The following RNF122 variants were observed in gnomAD, a reference collection of about 807,000 sequenced individuals.
RNF122 encodes the protein ring finger protein 122.
RNF122 carries 17 observed loss-of-function variants against 24.2 expected under a neutral mutation model. The ratio of observed to expected loss-of-function variants is 0.70; its 90% CI spans 0.48 to 1.06. The LOEUF is 1.06. Among genes scored for constraint, RNF122 ranks in the 50% least tolerant of loss-of-function variants. RNF122 has a pLI of 0.00. For synonymous variants in RNF122, 65 were observed against 71.8 expected (o/e 0.91, Z 0.48); for missense variants, 168 against 198.1 (o/e 0.85, Z 0.91).
chr8:33,556,482 G>T (rs911559614), intron 2 of RNF122, among the ~76,000 whole-genome samples: 1 of 152,172 alleles, frequency 6.6e-6, no homozygotes, highest in African/African-American at 2.4e-5. Context: ...GTGGGCAGGG[G>T]GAGCAGGGAG....
intron 3 of RNF122, 115 bp from the exon 4 acceptor site, chr8:33,551,200 G>A (rs1810369697): frequency 6.8e-7 from 1 of 1,466,188 alleles, no homozygotes; most frequent in Admixed American, 1.7e-5. Flanking sequence ...CCGGACTTCA[G>A]ACACTGAAGG....
rs114775341 is a variant in RNF122, at chr8:33,557,503, C to T, written c.182+1112G>A. On this transcript the variant is annotated intron_variant, in intron 2 of 5. Coordinates refer to ENST00000256257, the MANE Select transcript of RNF122 (RefSeq NM_024787.3). ...AAATAAAAATTAGCTAGGCATGCACCCATAATTCCAGCTATTAGGGAGGCT... is the reference window on the plus strand; with the variant it reads ...AAATAAAAATTAGCTAGGCATGCACTCATAATTCCAGCTATTAGGGAGGCT... Among the ~76,000 whole-genome samples, 811 of 152,010 alleles carry T rather than the reference C, an allele frequency of 5.3e-3. 9 individuals are homozygous for T. The highest frequency in any genetic ancestry group is 0.018 in the African/African-American group (734 of 41,458).
chr8:33,549,221 C>A (rs1171128397), intron 5 of RNF122, among the ~76,000 whole-genome samples, 189 bp downstream of exon 5: 9 of 141,778 alleles, frequency 6.3e-5, no homozygotes, highest in East Asian at 4.1e-4. Context: ...AACTCCAACT[C>A]AAAAAAAAAA....
At position 33,567,041 on chromosome 8, in the gene RNF122, GGCCGGGGGAGGAGGGAAAAACCTTT is replaced by G. The variant is rs1485089385; in HGVS notation, c.-343_-319del. On this transcript the variant is annotated 5_prime_UTR_variant, in exon 1 of 6. Coordinates refer to ENST00000256257, the MANE Select transcript of RNF122 (RefSeq NM_024787.3). Reference sequence around the variant, plus strand: ...GGGTGCCCGGGCTGCAGAAGCCCTCGGCCGGGGGAGGAGGGAAAAACCTTTGCCGGAGGCTCGGATCGGGTTCAGC... The same window carrying G: ...GGGTGCCCGGGCTGCAGAAGCCCTCGGCCGGAGGCTCGGATCGGGTTCAGC... The G allele has an allele frequency of 2.4e-6, 1 of 418,790 alleles. No individual in the cohort carries two copies. The highest frequency in any genetic ancestry group is 4.4e-6 in the Non-Finnish European group (1 of 228,736). 25.9% of individuals were successfully genotyped at this position (418,790 alleles called of 1,614,324 possible). A position where few individuals can be genotyped will look rare whatever the true frequency, so the allele number is the denominator to read the frequency against.
Position 33,547,980 on chromosome 8 carries a change from C to CAAAAAAAAAA in RNF122, c.*763_*772dup, listed in dbSNP as rs35370120. On this transcript the variant is annotated 3_prime_UTR_variant, in exon 6 of 6. Transcript: ENST00000256257. ...CCCCCATCCCCACACCCCTTTTGAT[C>CAAAAAAAAAA]AAAAAAAAAAAAAAAAAAAAAAAAA... 40 of 37,854 alleles carry CAAAAAAAAAA rather than the reference C, an allele frequency of 1.1e-3. No individual in the cohort carries two copies. Among genetic ancestry groups the CAAAAAAAAAA allele is most frequent in the African/African-American group, 3.7e-3 (34 of 9,240 alleles). The allele number at this position is 37,854 out of a possible 1,614,324, so 2.3% of individuals were successfully genotyped here.
At chr8:33,549,592 A>T in intron 4 of RNF122, 100 bp from the exon 5 acceptor site, 1 of 839,376 alleles carries the variant, frequency 1.2e-6, no homozygotes, top group Non-Finnish European at 2.0e-6. Flanking sequence ...CTGTTCTACC[A>T]GGCAGAGAAA....
chr8:33,551,896 C>T (rs76960067), intron 2 of RNF122, among the ~76,000 whole-genome samples: 44 of 152,302 alleles, frequency 2.9e-4, no homozygotes, highest in East Asian at 1.9e-3. Context: ...ACAACACAGA[C>T]GATGCCTCCT....
chr8:33,552,296 G>T (rs1450709701), intron 2 of RNF122, among the ~76,000 whole-genome samples: 2 of 152,180 alleles, frequency 1.3e-5, no homozygotes, highest in Admixed American at 6.6e-5. Context: ...CTACTTGGGA[G>T]ACTGAGGCAG....
At chr8:33,558,559 C>G (rs1810490135) in intron 2 of RNF122, 56 bp downstream of exon 2, 29 of 1,481,188 alleles carry the variant, frequency 2.0e-5, no homozygotes, top group Non-Finnish European at 2.5e-5. Context: ...ACCCCACAAC[C>G]CTGGTCTCCT....
At chr8:33,558,081 T>G (rs905071621) in intron 2 of RNF122, among the ~76,000 whole-genome samples, 1 of 151,934 alleles carries the variant, frequency 6.6e-6, no homozygotes, top group African/African-American at 2.4e-5. Flanking sequence ...AGGTGGAAGT[T>G]GCAGTAAGCT....
Position 33,553,994 on chromosome 8 carries a change from C to T in RNF122, c.183-2605G>A, listed in dbSNP as rs146348567. ...GGCTGGGCTAAAGGCCTAACCAAGGCTCCCACTGTCTCATCCTTCACTTTG... is the reference window on the plus strand; with the variant it reads ...GGCTGGGCTAAAGGCCTAACCAAGGTTCCCACTGTCTCATCCTTCACTTTG... On this transcript the variant is annotated intron_variant, in intron 2 of 5. Coordinates refer to ENST00000256257, the MANE Select transcript of RNF122 (RefSeq NM_024787.3). Among the ~76,000 whole-genome samples, 241 of 152,360 alleles carry T rather than the reference C, an allele frequency of 1.6e-3. 1 individual carries two copies. Among genetic ancestry groups the T allele is most frequent in the African/African-American group, 5.5e-3 (229 of 41,600 alleles).
rs182149294 is a variant in RNF122 at position 33,554,144 on chromosome 8, G to A, written c.183-2755C>T. 7.6e-3 allele frequency among the ~76,000 whole-genome samples: 1,157 copies of A among 152,314 alleles called. 5 individuals are homozygous for A. Among genetic ancestry groups the A allele is most frequent in the Admixed American group, 0.015 (227 of 15,292 alleles). ...GCTACTGTTGCTTGACTGACACTGG[G>A]TTCAGCAGAGGTGGGAAGGAAGTGT... On this transcript the variant is annotated intron_variant, in intron 2 of 5. Transcript: ENST00000256257.
At chr8:33,564,728 C>T (rs187678684) in intron 1 of RNF122, among the ~76,000 whole-genome samples, 17 of 152,012 alleles carry the variant, frequency 1.1e-4, no homozygotes, top group African/African-American at 2.9e-4. Context: ...CAAAATTAGC[C>T]GGCCATGGTG....
At position 33,551,027 on chromosome 8, in the gene RNF122, T is replaced by C. The variant is rs771108841; in HGVS notation, c.270+17A>G. The C allele has an allele frequency of 3.7e-6, 6 of 1,613,870 alleles. No individual in the cohort carries two copies. The South Asian group carries it at 6.6e-5, about 18-fold the overall frequency. ...CACCTGCTGGGGCCCTCCTGCACACTTTCCTGGCACACTTACCCCATATAA... is the reference window on the plus strand; with the variant it reads ...CACCTGCTGGGGCCCTCCTGCACACCTTCCTGGCACACTTACCCCATATAA... On this transcript the variant is annotated intron_variant, in intron 4 of 5. Transcript: ENST00000256257.
chr8:33,559,182 T>A (rs1309231727), intron 1 of RNF122, among the ~76,000 whole-genome samples: 1 of 152,030 alleles, frequency 6.6e-6, no homozygotes, highest in African/African-American at 2.4e-5. Context: ...TGTACTACCA[T>A]GTAGTCCCAG....
chr8:33,558,743 G>A lies in RNF122; in HGVS notation c.54C>T (p.Ser18=). 6.2e-7 allele frequency: 1 copy of A among 1,603,316 alleles called. No individual in the cohort carries two copies. The highest frequency in any genetic ancestry group is 1.7e-4 in the Middle Eastern group (1 of 5,998). Residue 18 remains serine (S), a synonymous_variant, in exon 2 of 6, where the codon AGC becomes AGT. Coordinates refer to ENST00000256257, the MANE Select transcript of RNF122 (RefSeq NM_024787.3). ...NGCFCGLGLV[S]TNKSCSMPPI... The stretch of plus-strand genomic sequence containing the variant: ...GTGGCATCGAGCAGGACTTGTTGGT[G>A]CTAACCAGTCCCAGGCCACAGAAAC...
chr8:33,557,212 C>T (rs1243643959), intron 2 of RNF122, among the ~76,000 whole-genome samples: 2 of 152,182 alleles, frequency 1.3e-5, no homozygotes, highest in Non-Finnish European at 2.9e-5. Flanking sequence ...TCAATATTCT[C>T]CAATGTACAG....
At position 33,549,423 on chromosome 8, in the gene RNF122, C is replaced by T. The variant is rs753839300; in HGVS notation, c.340G>A (p.Ala114Thr). ...DELGVLPCQHAFHRKCLVKWL... is the reference protein window; with the variant it reads ...DELGVLPCQHTFHRKCLVKWL... Reference sequence around the variant, plus strand: ...ATTCCCACGTACTTGCGGTGAAAGGCGTGTTGGCACGGGAGCACGCCTAAC... The same window carrying T: ...ATTCCCACGTACTTGCGGTGAAAGGTGTGTTGGCACGGGAGCACGCCTAAC... Residue 114 changes from alanine to threonine, a missense_variant, in exon 5 of 6, where the codon GCC becomes ACC. By Grantham distance (58) the Ala-to-Thr change is moderately conservative (BLOSUM62 0). Transcript: ENST00000256257. The T allele has an allele frequency of 7.4e-6, 12 of 1,613,710 alleles. No homozygotes were observed. The highest frequency in any genetic ancestry group is 1.6e-4 in the Middle Eastern group (1 of 6,084).
chr8:33,559,053 C>G (rs1445160286), intron 1 of RNF122, among the ~76,000 whole-genome samples: 1 of 152,096 alleles, frequency 6.6e-6, no homozygotes, highest in Non-Finnish European at 1.5e-5. Context: ...CCTGTAATCC[C>G]AGTACTTTGG....
Sources: gnomAD v4.1 joint callset for allele counts (sites outside exome capture counted in the v4.1 genomes callset) on GRCh38, gnomAD v4.1.1 for gene constraint, MANE v1.5 for transcripts, NCBI Gene and HGNC (gene_info 2026-07-23, HGNC 2026-07-21) for gene names.